GPR158: variants seen among roughly 807,000 people sequenced by gnomAD.
GPR158 encodes metabotropic glycine receptor.
A neutral mutation model predicts 78.2 loss-of-function variants in GPR158; 30 were observed. That is an observed-to-expected ratio of 0.38 (90% CI 0.29 to 0.52). The LOEUF is 0.52. Among genes scored for constraint, GPR158 ranks in the 20% least tolerant of loss-of-function variants. The probability of loss-of-function intolerance (pLI) is 0.83; values close to 1 mark genes in which losing one functional copy is unlikely to be tolerated. For missense variants in GPR158, 1,463 were observed against 1,523.5 expected (o/e 0.96, Z 0.66); for synonymous variants, 581 against 591.1 (o/e 0.98, Z 0.25).
intron 5 of GPR158, among the ~76,000 whole-genome samples, chr10:25,549,799 G>A (rs1243719220): frequency 6.6e-6 from 1 of 151,968 alleles, no homozygotes; most frequent in Non-Finnish European, 1.5e-5. Flanking sequence ...TAGAGAGAGG[G>A]GCTATATTTG....
In GPR158 at chr10:25,176,510, C is replaced by T. The variant is rs553292271; in HGVS notation, c.902+188C>T. Among the ~76,000 whole-genome samples, 2 of 152,298 alleles carry T rather than the reference C, an allele frequency of 1.3e-5. No individual in the cohort carries two copies. Among genetic ancestry groups the T allele is most frequent in the East Asian group, 3.9e-4 (2 of 5,160 alleles). ...GCTTGGGGGCAAGAAGCGCCCCACG[C>T]CCGTCAGCTTCCGGCGCTCGGCGAA... is the stretch of plus-strand genomic sequence containing the variant. On this transcript the variant is annotated intron_variant, in intron 1 of 10. Transcript: ENST00000376351. This position sits in a 1 kb window ranked among gnomAD's most constrained non-coding sequence, Gnocchi z 6.3.
At chr10:25,226,107 GAA>G (rs77009733) in intron 2 of GPR158, among the ~76,000 whole-genome samples, 21,729 of 152,008 alleles carry the variant, frequency 0.14, 1,953 homozygotes, top group East Asian at 0.3. Context: ...CTTTTCTCCA[GAA>G]AGTTTCTGTT....
rs1455872019 is a variant in GPR158 at position 25,518,200 on chromosome 10, T to G, written c.1405-32776T>G. On this transcript the variant is annotated intron_variant, in intron 5 of 10. Transcript: ENST00000376351. ...ATTCTCTGATGGTAGTTTGTATTTC[T>G]GTGGGATTGGTGGTGATATCCCCTT... is the stretch of plus-strand genomic sequence containing the variant. Among the ~76,000 whole-genome samples, 2 of 87,158 alleles carry G rather than the reference T, an allele frequency of 2.3e-5. 1 individual carries two copies. Among genetic ancestry groups the G allele is most frequent in the Non-Finnish European group, 4.5e-5 (2 of 44,742 alleles). The allele number at this position is 87,158 out of a possible 152,430, so 57.2% of individuals were successfully genotyped here. A position where few individuals can be genotyped will look rare whatever the true frequency, so the allele number is the denominator to read the frequency against.
At chr10:25,398,906 C>T (rs10828792) in intron 3 of GPR158, among the ~76,000 whole-genome samples, 13,657 of 152,214 alleles carry the variant, frequency 0.09, 689 homozygotes, top group East Asian at 0.17. Flanking sequence ...GGGTCCCCAA[C>T]CCTCGAGCTG....
chr10:25,586,135 G>A (rs1837262618), intron 7 of GPR158, among the ~76,000 whole-genome samples: 1 of 152,142 alleles, frequency 6.6e-6, no homozygotes, highest in African/African-American at 2.4e-5. Flanking sequence ...GGGATAACAG[G>A]ATTTGTGAAA....
chr10:25,394,539 G>A (rs918766725), intron 2 of GPR158, among the ~76,000 whole-genome samples: 4 of 152,152 alleles, frequency 2.6e-5, no homozygotes, highest in Non-Finnish European at 5.9e-5. Flanking sequence ...GCATGCTGCG[G>A]TTATTTCCTA....
At chr10:25,436,034 A>G (rs889358854) in intron 4 of GPR158, among the ~76,000 whole-genome samples, 1 of 152,166 alleles carries the variant, frequency 6.6e-6, no homozygotes, top group Non-Finnish European at 1.5e-5. Flanking sequence ...AATGGAAAAC[A>G]CTGAGTAGAG....
In GPR158 at chr10:25,529,044, A is replaced by T. The variant is rs1836388986; in HGVS notation, c.1405-21932A>T. ...AAGTCTTTTCAACGAACGGTGCTGA[A>T]ACAACTGGATAAATATATGGGAGGA... On this transcript the variant is annotated intron_variant, in intron 5 of 10. Coordinates refer to ENST00000376351, the MANE Select transcript of GPR158 (RefSeq NM_020752.3). Among the ~76,000 whole-genome samples the T allele has an allele frequency of 2.6e-5, 4 of 152,308 alleles. No individual in the cohort carries two copies. The South Asian group carries it at 8.3e-4, about 32-fold the overall frequency.
At chr10:25,348,563 G>A (rs187719214) in intron 2 of GPR158, among the ~76,000 whole-genome samples, 16 of 151,976 alleles carry the variant, frequency 1.1e-4, no homozygotes, top group Non-Finnish European at 1.9e-4. Flanking sequence ...GGATGGGGAG[G>A]GGTAATACTA....
At chr10:25,181,813 G>A (rs1444416604) in intron 1 of GPR158, among the ~76,000 whole-genome samples, 11 of 152,026 alleles carry the variant, frequency 7.2e-5, no homozygotes, top group Non-Finnish European at 4.4e-5. Context: ...AACCTCCCAG[G>A]CTCAAGTGAT....
At position 25,540,970 on chromosome 10, in the gene GPR158, A is replaced by G. The variant is rs1218786662; in HGVS notation, c.1405-10006A>G. Among the ~76,000 whole-genome samples, 4 of 125,422 alleles carry G rather than the reference A, an allele frequency of 3.2e-5. No homozygotes were observed. The East Asian group carries it at 2.7e-3, about 85-fold the overall frequency. 82.3% of individuals were successfully genotyped at this position (125,422 alleles called of 152,430 possible). On this transcript the variant is annotated intron_variant, in intron 5 of 10. Coordinates refer to ENST00000376351, the MANE Select transcript of GPR158 (RefSeq NM_020752.3). The stretch of plus-strand genomic sequence containing the variant: ...AATATATATATATATATATATATAT[A>G]TATATATAAAGTTTATCTAAAACCT...
At chr10:25,333,245 A>C (rs1855153407) in intron 2 of GPR158, among the ~76,000 whole-genome samples, 1 of 152,184 alleles carries the variant, frequency 6.6e-6, no homozygotes, top group African/African-American at 2.4e-5. Context: ...TGGAGTAAAC[A>C]CTGCAGGCAA....
chr10:25,488,266 AT>A (rs751877267), intron 5 of GPR158, among the ~76,000 whole-genome samples: 1 of 152,084 alleles, frequency 6.6e-6, no homozygotes, highest in Non-Finnish European at 1.5e-5. Flanking sequence ...ATTTAACCTC[AT>A]TTGTCAGAAT....
chr10:25,389,292 C>T (rs926296140), intron 2 of GPR158, among the ~76,000 whole-genome samples: 1 of 152,126 alleles, frequency 6.6e-6, no homozygotes, highest in Admixed American at 6.5e-5. Context: ...ATGGGACAAC[C>T]AACTGCAGAG....
chr10:25,312,701 G>A (rs998041163), intron 2 of GPR158, among the ~76,000 whole-genome samples: 2 of 152,072 alleles, frequency 1.3e-5, no homozygotes, highest in African/African-American at 4.8e-5. Flanking sequence ...TTTCCTATTT[G>A]TTGAACTGAA....
chr10:25,586,691 G>T (rs1194123823), intron 7 of GPR158, among the ~76,000 whole-genome samples: 1 of 152,146 alleles, frequency 6.6e-6, no homozygotes, highest in Non-Finnish European at 1.5e-5. Context: ...GGGATTACAG[G>T]TGTGAGCCAC....
intron 2 of GPR158, among the ~76,000 whole-genome samples, chr10:25,323,478 T>A (rs67447910): frequency 0.042 from 6,440 of 152,192 alleles, 141 homozygotes; most frequent in African/African-American, 0.05. Flanking sequence ...TTTGTTTACA[T>A]TGAAGATCTG....
At chr10:25,540,312 T>C (rs1380829046) in intron 5 of GPR158, among the ~76,000 whole-genome samples, 4 of 152,184 alleles carry the variant, frequency 2.6e-5, no homozygotes, top group South Asian at 4.1e-4. Context: ...GGAGAGGACA[T>C]GGAGAAATAG....
In GPR158 at chr10:25,388,808, C is replaced by T. The variant is rs1192948831; in HGVS notation, c.1009-7103C>T. Reference sequence around the variant, plus strand: ...CTTGGGGGGCCTGGGAAGGCCCCCTCCCTTGCCCACACAGGCTTGGAGGTG... The same window carrying T: ...CTTGGGGGGCCTGGGAAGGCCCCCTTCCTTGCCCACACAGGCTTGGAGGTG... On this transcript the variant is annotated intron_variant, in intron 2 of 10. Transcript: ENST00000376351. Among the ~76,000 whole-genome samples, 12 of 152,248 alleles carry T rather than the reference C, an allele frequency of 7.9e-5. No homozygotes were observed. The East Asian group carries it at 1.7e-3, about 22-fold the overall frequency.
Sources: allele counts gnomAD v4.1 joint callset (sites outside exome capture counted in the v4.1 genomes callset), GRCh38; gene constraint gnomAD v4.1.1; non-coding constraint Gnocchi (gnomAD v3.1); transcripts MANE v1.5; gene names NCBI Gene and HGNC (gene_info 2026-07-23, HGNC 2026-07-21).